The following PPP2R3A variants were observed in gnomAD, a reference collection of about 807,000 sequenced individuals.
PPP2R3A encodes protein phosphatase 2 regulatory subunit B''alpha.
In PPP2R3A, 80 loss-of-function variants were observed where a neutral mutation model predicts 106.9. The observed-to-expected ratio is 0.75, with a 90% CI of 0.62 to 0.90. The LOEUF is 0.90. Among genes scored for constraint, PPP2R3A ranks in the 40% least tolerant of loss-of-function variants. The pLI is 0.00. For missense variants in PPP2R3A, 1,386 were observed against 1,350.4 expected (o/e 1.03, Z -0.41); for synonymous variants, 483 against 468.3 (o/e 1.03, Z -0.41).
chr3:136,130,882 A>T (rs1938386538), intron 13 of PPP2R3A, among the ~76,000 whole-genome samples: 1 of 152,232 alleles, frequency 6.6e-6, no homozygotes, highest in African/African-American at 2.4e-5. Flanking sequence ...ATCTTTGACA[A>T]ACCTGACAAA....
At chr3:136,125,657 G>A (rs1002432244) in intron 13 of PPP2R3A, among the ~76,000 whole-genome samples, 1 of 151,718 alleles carries the variant, frequency 6.6e-6, no homozygotes, top group Admixed American at 6.6e-5. Flanking sequence ...GACCAGCCTG[G>A]GTAACATAGT....
Position 136,043,640 on chromosome 3 carries a change from A to G in PPP2R3A, c.2366+2678A>G, listed in dbSNP as rs1333615234. On this transcript the variant is annotated intron_variant, in intron 4 of 13. Coordinates refer to ENST00000264977, the MANE Select transcript of PPP2R3A (RefSeq NM_002718.5). ...GTCAGGACATTTTTAGGAGAAAGACATTGCTCCATAGCATTTCTTTTTGAG... is the reference window on the plus strand; with the variant it reads ...GTCAGGACATTTTTAGGAGAAAGACGTTGCTCCATAGCATTTCTTTTTGAG... Among the ~76,000 whole-genome samples, 6 of 152,276 alleles carry G rather than the reference A, an allele frequency of 3.9e-5. No homozygotes were observed. In the East Asian group the frequency reaches 9.6e-4, roughly 24 times the overall value.
At position 136,003,382 on chromosome 3, in the gene PPP2R3A, C is replaced by T. The variant is rs889685090; in HGVS notation, c.1884C>T (p.Thr628=). ...AAATGATGCAAATTCTACAGGAAAC[C>T]TTGACAACTTCCTCCCAGGCCAATT... ...EKEMMQILQE[T]LTTSSQANLS... Residue 628 remains threonine (T), a synonymous_variant, in exon 2 of 14, where the codon ACC becomes ACT. Coordinates refer to ENST00000264977, the MANE Select transcript of PPP2R3A (RefSeq NM_002718.5). 9 of 1,613,850 alleles carry T rather than the reference C, an allele frequency of 5.6e-6. No homozygotes were observed. The highest frequency in any genetic ancestry group is 7.6e-6 in the Non-Finnish European group (9 of 1,179,926).
At chr3:136,010,425 T>A (rs1934021385) in intron 2 of PPP2R3A, among the ~76,000 whole-genome samples, 1 of 127,224 alleles carries the variant, frequency 7.9e-6, no homozygotes. Context: ...TAATTTTTTT[T>A]TTTTTTTTTT....
chr3:135,972,107 C>A (rs1052580210), intron 1 of PPP2R3A, among the ~76,000 whole-genome samples: 43 of 152,280 alleles, frequency 2.8e-4, no homozygotes, highest in African/African-American at 9.4e-4. Context: ...AAACCCTGTA[C>A]CCATTAAGCA....
In PPP2R3A at chr3:136,044,570, C is replaced by CAAAA. The variant is rs1247139572; in HGVS notation, c.2366+3629_2366+3632dup. Among the ~76,000 whole-genome samples the CAAAA allele has an allele frequency of 2.1e-4, 16 of 76,072 alleles. 1 individual carries two copies. Among genetic ancestry groups the CAAAA allele is most frequent in the African/African-American group, 6.0e-4 (10 of 16,682 alleles). 49.9% of individuals were successfully genotyped at this position (76,072 alleles called of 152,430 possible). Reference sequence around the variant, plus strand: ...TTGACAACAGAATGAGACCCTGTCTCAAAAAAAAAAAAAAAAAAAAAAAAG... The same window carrying CAAAA: ...TTGACAACAGAATGAGACCCTGTCTCAAAAAAAAAAAAAAAAAAAAAAAAAAAAG... On this transcript the variant is annotated intron_variant, in intron 4 of 13. Transcript: ENST00000264977.
At chr3:136,136,067 A>ATT (rs1938605300) in intron 13 of PPP2R3A, among the ~76,000 whole-genome samples, 1 of 30,340 alleles carries the variant, frequency 3.3e-5, no homozygotes, top group Non-Finnish European at 9.9e-5. Flanking sequence ...AAAAAAAAAA[A>ATT]AAAAAATTAT....
Position 136,040,909 on chromosome 3 carries a change from G to A in PPP2R3A, c.2313G>A (p.Gly771=), listed in dbSNP as rs1165421674. The A allele has an allele frequency of 1.2e-6, 2 of 1,613,640 alleles. No individual in the cohort carries two copies. The highest frequency in any genetic ancestry group is 1.3e-5 in the African/African-American group (1 of 75,000). Residue 771 remains glycine, a synonymous_variant, in exon 4 of 14, where the codon GGG becomes GGA. Transcript: ENST00000264977. ...YWKAPMFRAA[G]GEKTGFVTAQ... Reference sequence around the variant, plus strand: ...AAGCCCCCATGTTCAGGGCTGCAGGGGGAGAGAAGACAGGATTTGTGACAG... The same window carrying A: ...AAGCCCCCATGTTCAGGGCTGCAGGAGGAGAGAAGACAGGATTTGTGACAG...
chr3:136,124,148 C>T (rs1938096272), intron 13 of PPP2R3A, among the ~76,000 whole-genome samples: 1 of 152,060 alleles, frequency 6.6e-6, no homozygotes, highest in Non-Finnish European at 1.5e-5. Flanking sequence ...GAAAAAACCA[C>T]AGGGAAATTC....
At chr3:136,113,537 C>T (rs745978996) in intron 13 of PPP2R3A, among the ~76,000 whole-genome samples, 1 of 152,026 alleles carries the variant, frequency 6.6e-6, no homozygotes, top group Non-Finnish European at 1.5e-5. Flanking sequence ...GCTTGTAATC[C>T]CAGCACTTTT....
At chr3:136,004,379 C>T (rs570631693) in intron 2 of PPP2R3A, among the ~76,000 whole-genome samples, 22 of 152,282 alleles carry the variant, frequency 1.4e-4, no homozygotes, top group Non-Finnish European at 3.1e-4. Flanking sequence ...CTTACTGCTG[C>T]CCATTGACCC....
At position 136,145,618 on chromosome 3, in the gene PPP2R3A, T is replaced by A. The variant is rs1197654966; in HGVS notation, c.*452T>A. Reference sequence around the variant, plus strand: ...GAAAAAGTAGTAAGGGCCTCCAGAATTGACTTAGCCCTAGTAATAAAAGCA... The same window carrying A: ...GAAAAAGTAGTAAGGGCCTCCAGAAATGACTTAGCCCTAGTAATAAAAGCA... On this transcript the variant is annotated 3_prime_UTR_variant, in exon 14 of 14. Coordinates refer to ENST00000264977, the MANE Select transcript of PPP2R3A (RefSeq NM_002718.5). The A allele has an allele frequency of 2.0e-5, 3 of 153,018 alleles. No individual in the cohort carries two copies. Among genetic ancestry groups the A allele is most frequent in the African/African-American group, 7.2e-5 (3 of 41,458 alleles). 9.5% of individuals were successfully genotyped at this position (153,018 alleles called of 1,614,324 possible). A position where few individuals can be genotyped will look rare whatever the true frequency, so the allele number is the denominator to read the frequency against.
chr3:136,114,058 G>A (rs1472213573), intron 13 of PPP2R3A, among the ~76,000 whole-genome samples: 1 of 152,158 alleles, frequency 6.6e-6, no homozygotes, highest in African/African-American at 2.4e-5. Flanking sequence ...ATTCCCCGCT[G>A]AGGTACCCAG....
At chr3:136,081,756 C>A (rs1936788140) in intron 7 of PPP2R3A, among the ~76,000 whole-genome samples, 1 of 152,156 alleles carries the variant, frequency 6.6e-6, no homozygotes, top group Admixed American at 6.5e-5. Flanking sequence ...CAGGGCCCTG[C>A]ATCTCTACCT....
intron 2 of PPP2R3A, among the ~76,000 whole-genome samples, chr3:136,020,748 T>C (rs904416408): frequency 2.0e-5 from 3 of 151,978 alleles, no homozygotes; most frequent in Admixed American, 6.6e-5. Flanking sequence ...GTAAGAAATA[T>C]GAGAGTGTAA....
intron 2 of PPP2R3A, chr3:136,023,288 C>A: frequency 8.6e-7 from 1 of 1,157,760 alleles, no homozygotes; most frequent in Non-Finnish European, 1.2e-6. Context: ...AGTGAACTAA[C>A]TCACAAGTAA....
At chr3:136,106,068 T>C (rs770606844) in intron 12 of PPP2R3A, 148 bp from the exon 13 acceptor site, 5 of 649,610 alleles carry the variant, frequency 7.7e-6, no homozygotes, top group Non-Finnish European at 1.3e-5. Context: ...ACCTTAGGAG[T>C]TTTACCTTAG....
rs190802305 is a variant in PPP2R3A, at chr3:136,044,686, C to T, written c.2366+3724C>T. ...CCAAAATATTGAGTAAACCAGCATA[C>T]TTTGAACAGACCTTTTAAGAGAAAG... On this transcript the variant is annotated intron_variant, in intron 4 of 13. Coordinates refer to ENST00000264977, the MANE Select transcript of PPP2R3A (RefSeq NM_002718.5). 2.8e-4 allele frequency among the ~76,000 whole-genome samples: 42 copies of T among 151,640 alleles called. No individual in the cohort carries two copies. In the East Asian group the frequency reaches 7.8e-3, roughly 28 times the overall value.
intron 13 of PPP2R3A, among the ~76,000 whole-genome samples, chr3:136,138,012 CAG>C (rs1288720425): frequency 2.0e-5 from 3 of 151,928 alleles, no homozygotes; most frequent in African/African-American, 4.8e-5. Context: ...AACAGGGAAA[CAG>C]GGAGAATGGA....
Sources: allele counts gnomAD v4.1 joint callset (sites outside exome capture counted in the v4.1 genomes callset), GRCh38; gene constraint gnomAD v4.1.1; transcripts MANE v1.5; gene names NCBI Gene and HGNC (gene_info 2026-07-23, HGNC 2026-07-21).